Variants in TTC19 observed in about 807,000 individuals in gnomAD.
TTC19 encodes tetratricopeptide repeat protein 19, mitochondrial.
TTC19 carries 38 observed loss-of-function variants against 49.5 expected under a neutral mutation model. That is an observed-to-expected ratio of 0.77 (90% CI 0.59 to 1.01). TTC19 has a LOEUF of 1.01. Ranked by LOEUF, TTC19 falls within the 50% of genes least tolerant of loss-of-function variation. The pLI is 0.00. For missense variants in TTC19, 475 were observed against 477.7 expected (o/e 0.99, Z 0.05); for synonymous variants, 204 against 185.2 (o/e 1.10, Z -0.83).
At position 16,006,586 on chromosome 17, in the gene TTC19, T is replaced by A. The variant is rs1166409324; in HGVS notation, c.676+18T>A. The A allele has an allele frequency of 1.4e-6, 2 of 1,472,030 alleles. No homozygotes were observed. The highest frequency in any genetic ancestry group is 2.8e-5 in the African/African-American group (2 of 72,212). The allele number at this position is 1,472,030 out of a possible 1,614,324, so 91.2% of individuals were successfully genotyped here. A position where few individuals can be genotyped will look rare whatever the true frequency, so the allele number is the denominator to read the frequency against. On this transcript the variant is annotated intron_variant, in intron 7 of 9. Coordinates refer to ENST00000261647, the MANE Select transcript of TTC19 (RefSeq NM_017775.4). ...TATGTCAGGTAGGAAACCCATTATC[T>A]GGGCATTGCCTTTTCTCCACAAAAG...
intron 7 of TTC19, among the ~76,000 whole-genome samples, chr17:16,008,097 G>A (rs1970963994): frequency 6.6e-6 from 1 of 152,156 alleles, no homozygotes; most frequent in African/African-American, 2.4e-5. Flanking sequence ...ATGTTGGCAC[G>A]CCTTAGGGCT....
Position 16,020,608 on chromosome 17 carries a change from A to G in TTC19, c.677-4409A>G, listed in dbSNP as rs527441163. On this transcript the variant is annotated intron_variant, in intron 7 of 9. Coordinates refer to ENST00000261647, the MANE Select transcript of TTC19 (RefSeq NM_017775.4). ...GGTGCTAATGTTTAAATCTGTAATT[A>G]TAACTATTTTTAGTTTCATTATAAT... Among the ~76,000 whole-genome samples the G allele has an allele frequency of 5.3e-5, 8 of 152,274 alleles. No individual in the cohort carries two copies. In the East Asian group the frequency reaches 1.2e-3, roughly 22 times the overall value.
rs543857965 is a variant in TTC19, at chr17:16,016,801, G to A, written c.677-8216G>A. On this transcript the variant is annotated intron_variant, in intron 7 of 9. Coordinates refer to ENST00000261647, the MANE Select transcript of TTC19 (RefSeq NM_017775.4). ...TCGAACTCCTGACCTCAGGTGATCCGCCTGCCTCAGCCTCCCAGAGTGCTG... is the reference window on the plus strand; with the variant it reads ...TCGAACTCCTGACCTCAGGTGATCCACCTGCCTCAGCCTCCCAGAGTGCTG... Among the ~76,000 whole-genome samples, 5 of 151,344 alleles carry A rather than the reference G, an allele frequency of 3.3e-5. No individual in the cohort carries two copies. The South Asian group carries it at 6.3e-4, about 19-fold the overall frequency.
chr17:16,034,691 T>G (rs1973765918), intron 2 of TTC19: 1 of 1,339,072 alleles, frequency 7.5e-7, no homozygotes, highest in African/African-American at 1.5e-5. Context: ...AGTTGCTGAA[T>G]TTTGAAGAAC....
At chr17:16,019,837 G>A (rs1971319516) in intron 7 of TTC19, among the ~76,000 whole-genome samples, 2 of 151,922 alleles carry the variant, frequency 1.3e-5, no homozygotes, top group Non-Finnish European at 2.9e-5. Flanking sequence ...ATACCAAATT[G>A]CTTAACAGGC....
rs886052629 is a variant in TTC19, at chr17:16,027,958, TC to T, written c.*437del. 8.4e-5 allele frequency: 38 copies of T among 454,514 alleles called. No homozygotes were observed. Among genetic ancestry groups the T allele is most frequent in the Admixed American group, 1.6e-4 (7 of 42,550 alleles). The allele number at this position is 454,514 out of a possible 1,614,324, so 28.2% of individuals were successfully genotyped here. A position where few individuals can be genotyped will look rare whatever the true frequency, so the allele number is the denominator to read the frequency against. On this transcript the variant is annotated 3_prime_UTR_variant, in exon 10 of 10. Transcript: ENST00000261647. ...GGCAAACTGACCAGAATTACCTTCC[TC>T]ATGGCAAAGGGGGATTATGGTGAAT... is the stretch of plus-strand genomic sequence containing the variant.
chr17:16,024,737 C>T (rs534481059), intron 7 of TTC19: 46 of 431,946 alleles, frequency 1.1e-4, no homozygotes, highest in African/African-American at 8.8e-4. Context: ...GTTGTTAACT[C>T]ATTCTTCTTT....
intron 2 of TTC19, chr17:16,040,331 T>C (rs747689740): frequency 2.3e-6 from 2 of 887,318 alleles, no homozygotes; most frequent in East Asian, 2.6e-5. Context: ...TATTTTTCCA[T>C]ATTAGAGCAG....
In TTC19 at chr17:16,028,843, A is replaced by AAAAAAAAAAAC; in HGVS notation, c.*1324_*1325insAAAAAAACAAA. On this transcript the variant is annotated 3_prime_UTR_variant, in exon 10 of 10. Coordinates refer to ENST00000261647, the MANE Select transcript of TTC19 (RefSeq NM_017775.4). Reference sequence around the variant, plus strand: ...CAAAAAAAAAAAAAAAAAAAAAAAAAAAACTTTCTGAAGAAAATAAAAACA... The same window carrying AAAAAAAAAAAC: ...CAAAAAAAAAAAAAAAAAAAAAAAAAAAAAAAAAAACAAACTTTCTGAAGAAAATAAAAACA... 5.3e-6 allele frequency: 2 copies of AAAAAAAAAAAC among 378,038 alleles called. No homozygotes were observed. Among genetic ancestry groups the AAAAAAAAAAAC allele is most frequent in the Non-Finnish European group, 1.0e-5 (2 of 198,172 alleles). The allele number at this position is 378,038 out of a possible 1,614,324, so 23.4% of individuals were successfully genotyped here.
rs1234758050 is a variant in TTC19 at position 16,028,195 on chromosome 17, A to C, written c.*673A>C. On this transcript the variant is annotated 3_prime_UTR_variant, in exon 10 of 10. Coordinates refer to ENST00000261647, the MANE Select transcript of TTC19 (RefSeq NM_017775.4). ...AATGGGGGTGTTTATATAAAACTAA[A>C]AACTAAGAATGATGTAACCTTTTGT... 1.3e-5 allele frequency: 6 copies of C among 454,074 alleles called. No homozygotes were observed. 28.1% of individuals were successfully genotyped at this position (454,074 alleles called of 1,614,324 possible).
chr17:16,034,764 C>T, intron 2 of TTC19: 4 of 1,609,172 alleles, frequency 2.5e-6, no homozygotes, highest in South Asian at 1.1e-5. Context: ...AGAATCCTTA[C>T]CTGTTGAAGA....
intron 6 of TTC19, among the ~76,000 whole-genome samples, chr17:16,004,598 G>T (rs1434309753): frequency 6.6e-6 from 1 of 152,118 alleles, no homozygotes; most frequent in Non-Finnish European, 1.5e-5. Flanking sequence ...AGCTGCTGGG[G>T]ATAATATATT....
At chr17:16,036,839 G>A (rs2056486775) in intron 2 of TTC19, among the ~76,000 whole-genome samples, 1 of 152,168 alleles carries the variant, frequency 6.6e-6, no homozygotes, top group South Asian at 2.1e-4. Context: ...ACGAAACACT[G>A]TTTTGCTTTA....
chr17:16,038,763 G>T (rs966643051), intron 2 of TTC19, among the ~76,000 whole-genome samples: 11 of 150,462 alleles, frequency 7.3e-5, no homozygotes, highest in Non-Finnish European at 1.6e-4. Context: ...TTATTTTATT[G>T]TGTGTGTCTG....
chr17:16,020,262 G>T (rs867138010), intron 7 of TTC19, among the ~76,000 whole-genome samples: 13 of 152,108 alleles, frequency 8.5e-5, no homozygotes, highest in Admixed American at 2.0e-4. Context: ...TTTCATTGTG[G>T]CTTCACTATG....
chr17:16,032,887 C>T (rs937253639), downstream of TTC19, among the ~76,000 whole-genome samples: 1 of 152,176 alleles, frequency 6.6e-6, no homozygotes, highest in Admixed American at 6.5e-5. Flanking sequence ...TACCCAGGAA[C>T]GTCTGCAGAC....
chr17:16,005,089 T>A (rs1250903480), intron 6 of TTC19, among the ~76,000 whole-genome samples: 1 of 152,254 alleles, frequency 6.6e-6, no homozygotes, highest in African/African-American at 2.4e-5. Context: ...CAGAGCCTAA[T>A]AAACATTGTT....
rs1285518673 is a variant in TTC19 at position 16,029,024 on chromosome 17, A to G, written c.*1502A>G. On this transcript the variant is annotated 3_prime_UTR_variant, in exon 10 of 10. Transcript: ENST00000261647. ...AGTCTAGCTCAGAGAGATAAGATAC[A>G]ATATAAATCAGACTGTTTCAGTAGA... The G allele has an allele frequency of 1.1e-5, 5 of 445,646 alleles. No homozygotes were observed. Among genetic ancestry groups the G allele is most frequent in the South Asian group, 8.1e-5 (5 of 61,876 alleles). 27.6% of individuals were successfully genotyped at this position (445,646 alleles called of 1,614,324 possible).
chr17:16,035,619 C>T (rs1452626192), intron 2 of TTC19, among the ~76,000 whole-genome samples: 1 of 150,048 alleles, frequency 6.7e-6, no homozygotes, highest in Non-Finnish European at 1.5e-5. Context: ...TACCAGCTCA[C>T]TAAAGCCTCA....
Sources: gnomAD v4.1 joint callset for allele counts (sites outside exome capture counted in the v4.1 genomes callset) on GRCh38, gnomAD v4.1.1 for gene constraint, MANE v1.5 for transcripts, NCBI Gene and HGNC (gene_info 2026-07-23, HGNC 2026-07-21) for gene names.